The following HNRNPF variants were observed in gnomAD, a reference collection of about 807,000 sequenced individuals.
HNRNPF encodes HnRNP F protein.
Under a neutral mutation model 26.0 loss-of-function variants are expected in HNRNPF, and 2 were observed. The observed-to-expected ratio is 0.08, with a 90% CI of 0.03 to 0.24. HNRNPF has a LOEUF of 0.24. HNRNPF is among the 10% of genes least tolerant of loss of function. The pLI, the probability that HNRNPF is intolerant of heterozygous loss-of-function variation, is 1.00. For missense variants in HNRNPF, 299 were observed against 539.2 expected, an observed-to-expected ratio of 0.55 and a Z score of 4.41; for synonymous variants, 234 against 211.5, an observed-to-expected ratio of 1.11 and a Z score of -0.92.
intron 3 of HNRNPF, among the ~76,000 whole-genome samples, chr10:43,392,172 G>A (rs1443371814): frequency 6.6e-6 from 1 of 152,206 alleles, no homozygotes; most frequent in African/African-American, 2.4e-5. Context: ...GGGTGGCCAA[G>A]GCAGGCAGAT....
intron 1 of HNRNPF, among the ~76,000 whole-genome samples, chr10:43,399,794 G>C (rs1211630279): frequency 6.6e-6 from 1 of 152,156 alleles, no homozygotes; most frequent in East Asian, 1.9e-4. Context: ...AAAAGATACA[G>C]GAACTGTAGT....
chr10:43,389,573 CTAAAAGGA>C (rs1838164252), intron 3 of HNRNPF, among the ~76,000 whole-genome samples: 1 of 152,176 alleles, frequency 6.6e-6, no homozygotes, highest in African/African-American at 2.4e-5. Context: ...TTGACAACGT[CTAAAAGGA>C]TAATTGTGTA....
At chr10:43,405,523 G>C (rs1838887630) in intron 1 of HNRNPF, among the ~76,000 whole-genome samples, 1 of 152,118 alleles carries the variant, frequency 6.6e-6, no homozygotes, top group African/African-American at 2.4e-5. Context: ...GGGCATGGTG[G>C]CGGCCGCCTG....
In HNRNPF at chr10:43,387,866, C is replaced by A; in HGVS notation, c.19G>T (p.Gly7Ter). The A allele has an allele frequency of 1.9e-6, 3 of 1,609,974 alleles. No individual in the cohort carries two copies. Among genetic ancestry groups the A allele is most frequent in the Non-Finnish European group, 2.5e-6 (3 of 1,176,550 alleles). MMLGPE[G>*]GEGFVVKLRG... ...AGCTTGACCACAAAGCCTTCACCTCCCTCAGGGCCCAGCATCATGGACACT... is the reference window on the plus strand; with the variant it reads ...AGCTTGACCACAAAGCCTTCACCTCACTCAGGGCCCAGCATCATGGACACT... The change falls in exon 4 of 4, where the codon GGA becomes TGA. Residue 7 changes from glycine (G) to a stop codon, truncating the protein, a stop_gained. Coordinates refer to ENST00000682386, the MANE Select transcript of HNRNPF (RefSeq NM_001098204.2). LOFTEE classifies it high-confidence loss of function. The surrounding 1 kb of genome is among the most constrained non-coding windows in gnomAD (Gnocchi z 6.0).
chr10:43,408,284 C>T (rs148243209), intron 1 of HNRNPF, among the ~76,000 whole-genome samples: 3,472 of 152,286 alleles, frequency 0.023, 76 homozygotes, highest in South Asian at 0.12. Flanking sequence ...CTTCCCCGCG[C>T]TTTCCTGACT....
intron 2 of HNRNPF, 107 bp downstream of exon 2, chr10:43,396,349 G>A (rs1838514057): frequency 6.6e-6 from 1 of 151,426 alleles, no homozygotes; most frequent in Admixed American, 6.6e-5. Flanking sequence ...CTCTCGCCAG[G>A]AGGCTGGGAG....
At chr10:43,407,454 G>A (rs1838961502) in intron 1 of HNRNPF, among the ~76,000 whole-genome samples, 1 of 152,218 alleles carries the variant, frequency 6.6e-6, no homozygotes, top group African/African-American at 2.4e-5. Flanking sequence ...GGCGCCTAGG[G>A]GGAGGGGTTC....
chr10:43,391,084 C>G (rs913343070), intron 3 of HNRNPF, among the ~76,000 whole-genome samples: 1 of 152,028 alleles, frequency 6.6e-6, no homozygotes, highest in African/African-American at 2.4e-5. Context: ...GTGGGTGGGA[C>G]CACTTGAGAT....
At chr10:43,399,947 G>C (rs1413648149) in intron 1 of HNRNPF, among the ~76,000 whole-genome samples, 2 of 152,232 alleles carry the variant, frequency 1.3e-5, no homozygotes, top group African/African-American at 4.8e-5. Context: ...TTCTGAGGAA[G>C]TGACATTTAA....
intron 3 of HNRNPF, among the ~76,000 whole-genome samples, chr10:43,393,985 C>A (rs553933564): frequency 6.6e-6 from 1 of 152,314 alleles, no homozygotes; most frequent in East Asian, 1.9e-4. Context: ...AAGGTCTTCT[C>A]ATTATCCAAA....
intron 3 of HNRNPF, among the ~76,000 whole-genome samples, chr10:43,388,530 ACCAGT>A: frequency 6.6e-6 from 1 of 152,246 alleles, no homozygotes; most frequent in East Asian, 1.9e-4. Flanking sequence ...CAAACTAAAT[ACCAGT>A]CAAGTATGAG....
In HNRNPF at chr10:43,396,451, C is replaced by T. The variant is rs1486476649; in HGVS notation, c.-112+5G>A. The T allele has an allele frequency of 6.6e-6, 1 of 152,276 alleles. No individual in the cohort carries two copies. The highest frequency in any genetic ancestry group is 1.5e-5 in the Non-Finnish European group (1 of 68,092). The allele number at this position is 152,276 out of a possible 1,614,324, so 9.4% of individuals were successfully genotyped here. ...GGCCCGCGGACTTTCATGCTCTAGA[C>T]TTACCACGGAGGCGAGCAGGACTGG... On this transcript the variant is annotated splice_donor_5th_base_variant and intron_variant, in intron 2 of 3. Coordinates refer to ENST00000682386, the MANE Select transcript of HNRNPF (RefSeq NM_001098204.2).
intron 1 of HNRNPF, among the ~76,000 whole-genome samples, chr10:43,404,155 A>G (rs571108316): frequency 6.6e-6 from 1 of 151,558 alleles, no homozygotes; most frequent in East Asian, 1.9e-4. Context: ...CATCTCTACT[A>G]TTAGATGGGC....
chr10:43,406,624 G>A (rs1261264714), intron 1 of HNRNPF, among the ~76,000 whole-genome samples: 1 of 150,934 alleles, frequency 6.6e-6, no homozygotes, highest in African/African-American at 2.4e-5. Flanking sequence ...AGCACAGGAG[G>A]ATCTCGGCAG....
At chr10:43,405,304 T>C (rs866688421) in intron 1 of HNRNPF, among the ~76,000 whole-genome samples, 22 of 152,248 alleles carry the variant, frequency 1.4e-4, no homozygotes, top group Admixed American at 3.3e-4. Context: ...TTTAAAAAGT[T>C]ATCTACAAAA....
intron 1 of HNRNPF, among the ~76,000 whole-genome samples, chr10:43,404,602 A>G (rs1384517797): frequency 6.6e-6 from 1 of 152,066 alleles, no homozygotes; most frequent in African/African-American, 2.4e-5. Context: ...TCACACCAGT[A>G]ATCCCAGCAC....
At chr10:43,407,368 G>C (rs935682158) in intron 1 of HNRNPF, among the ~76,000 whole-genome samples, 5 of 152,126 alleles carry the variant, frequency 3.3e-5, no homozygotes, top group African/African-American at 1.2e-4. Context: ...TCCCCGGGCC[G>C]CCCGCGGGCA....
chr10:43,387,342 A>G lies in HNRNPF; in HGVS notation c.543T>C (p.Ile181=), dbSNP rs780493949. Residue 181 remains isoleucine (I), a synonymous_variant, in exon 4 of 4, where the codon ATT becomes ATC. Transcript: ENST00000682386. The surrounding 1 kb of genome is among the most constrained non-coding windows in gnomAD (Gnocchi z 6.0). The part of the protein sequence containing the change: ...KHKERIGHRY[I]EVFKSSQEEV... ...CCTCCTGGCTGCTCTTAAACACCTC[A>G]ATGTACCTGTGCCCTATCCTCTCCT... 1 of 1,614,056 alleles carries G rather than the reference A, an allele frequency of 6.2e-7. No individual in the cohort carries two copies. The highest frequency in any genetic ancestry group is 8.5e-7 in the Non-Finnish European group (1 of 1,180,004).
chr10:43,389,477 G>A (rs537370863), intron 3 of HNRNPF, among the ~76,000 whole-genome samples: 2 of 152,318 alleles, frequency 1.3e-5, no homozygotes, highest in African/African-American at 4.8e-5. Context: ...AACTGCACTA[G>A]CTTCAGGGAA....
Sources: allele counts gnomAD v4.1 joint callset (sites outside exome capture counted in the v4.1 genomes callset), GRCh38; gene constraint gnomAD v4.1.1; non-coding constraint Gnocchi (gnomAD v3.1); transcripts MANE v1.5; gene names NCBI Gene and HGNC (gene_info 2026-07-23, HGNC 2026-07-21).